Variants in DCAF8L2 observed in about 807,000 individuals in gnomAD.
DCAF8L2 encodes the protein DDB1 and CUL4 associated factor 8 like 2.
For missense variants in DCAF8L2, 430 were observed against 490.7 expected (o/e 0.88, Z 1.17); for synonymous variants, 200 against 190.9 (o/e 1.05, Z -0.39).
At position 27,650,445 on chromosome X, in the gene DCAF8L2, CA is replaced by C. The variant is rs1357260367; in HGVS notation, c.-220+18446del. Among the ~76,000 whole-genome samples the C allele has an allele frequency of 2.7e-5, 3 of 112,109 alleles. No homozygotes were observed. The East Asian group carries it at 8.4e-4, about 32-fold the overall frequency. On this transcript the variant is annotated intron_variant, in intron 2 of 4. Transcript: ENST00000451261. Reference sequence around the variant, plus strand: ...AATTCATGAGCATGGAATGTTTTTCCATTTGACTGTGTCATCTATGACTAAT... The same window carrying C: ...AATTCATGAGCATGGAATGTTTTTCCTTTGACTGTGTCATCTATGACTAAT...
At chrX:27,591,016 A>ATATATAT (rs1569153314) in intron 1 of DCAF8L2, among the ~76,000 whole-genome samples, 3 of 44,762 alleles carry the variant, frequency 6.7e-5, no homozygotes, top group African/African-American at 1.1e-4. Context: ...TATATATATA[A>ATATATAT]ATAAATAATT....
At chrX:27,517,770 T>A in the DCAF8L2 span, 1 of 1,145,162 alleles carries the variant, frequency 8.7e-7, no homozygotes, top group Non-Finnish European at 1.2e-6. Context: ...AGCTCTCACA[T>A]TGCTTCAAAC....
At position 27,748,718 on chromosome X, in the gene DCAF8L2, C is replaced by T. The variant is rs1193399951; in HGVS notation, c.1823C>T (p.Ser608Leu). The T allele has an allele frequency of 3.3e-6, 4 of 1,197,105 alleles. No individual in the cohort carries two copies. Among genetic ancestry groups the T allele is most frequent in the Admixed American group, 2.3e-5 (1 of 44,150 alleles). Reference protein sequence around the residue: ...SGEAEFPDEESDESSSTSETS... With the variant: ...SGEAEFPDEELDESSSTSETS... ...GAAGCTGAATTTCCAGATGAAGAAT[C>T]GGATGAGTCTTCCAGCACTTCAGAG... Residue 608 changes from serine (S) to leucine (L), a missense_variant, in exon 5 of 5, where the codon TCG (serine) becomes TTG (leucine). Physicochemically the swap from Ser to Leu is moderately radical, Grantham distance 145. Transcript: ENST00000451261.
At chrX:27,533,234 G>GAAA in the DCAF8L2 span, among the ~76,000 whole-genome samples, 1 of 33,719 alleles carries the variant, frequency 3.0e-5, no homozygotes, top group African/African-American at 6.6e-5. Flanking sequence ...AAGAAAGAAA[G>GAAA]AGAAAGAAAG....
the DCAF8L2 span, among the ~76,000 whole-genome samples, chrX:27,482,539 C>T: frequency 9.0e-6 from 1 of 111,205 alleles, no homozygotes; most frequent in South Asian, 3.7e-4. Flanking sequence ...TAAATGTGGA[C>T]ATCCATCTGA....
the DCAF8L2 span, among the ~76,000 whole-genome samples, chrX:27,574,899 G>A: frequency 9.0e-6 from 1 of 111,505 alleles, no homozygotes; most frequent in African/African-American, 3.3e-5. Flanking sequence ...GTGTTACAGG[G>A]TGCTCTTTTA....
chrX:27,518,231 A>G, the DCAF8L2 span: 4,657 of 870,818 alleles, frequency 5.3e-3, 92 homozygotes, highest in African/African-American at 0.07. Flanking sequence ...GGAGGTTATA[A>G]TAAAGAGATT....
chrX:27,729,523 G>C (rs1419480556), intron 4 of DCAF8L2, among the ~76,000 whole-genome samples: 1 of 111,649 alleles, frequency 9.0e-6, no homozygotes, highest in Non-Finnish European at 1.9e-5. Context: ...CATAAAATTG[G>C]TAGTTTATAA....
intron 1 of DCAF8L2, among the ~76,000 whole-genome samples, chrX:27,621,890 A>G (rs1927777763): frequency 9.1e-6 from 1 of 110,402 alleles, no homozygotes; most frequent in South Asian, 3.9e-4. Context: ...GCTACTCAGG[A>G]GGCTGAGGTG....
chrX:27,604,596 A>G (rs184073836), intron 1 of DCAF8L2, among the ~76,000 whole-genome samples: 11 of 112,057 alleles, frequency 9.8e-5, no homozygotes, highest in Non-Finnish European at 1.1e-4. Context: ...AGAATGTTAT[A>G]TATATGATAT....
the DCAF8L2 span, among the ~76,000 whole-genome samples, chrX:27,554,165 C>T: frequency 1.8e-5 from 2 of 111,615 alleles, no homozygotes; most frequent in East Asian, 5.6e-4. Flanking sequence ...TCCGGCGCCT[C>T]ACAGAAAATG....
the DCAF8L2 span, among the ~76,000 whole-genome samples, chrX:27,507,983 A>G: frequency 8.9e-6 from 1 of 111,845 alleles, no homozygotes; most frequent in African/African-American, 3.2e-5. Context: ...TTTGCAACAT[A>G]TAAGTTCATG....
chrX:27,545,817 TGA>T, the DCAF8L2 span, among the ~76,000 whole-genome samples: 1 of 111,318 alleles, frequency 9.0e-6, no homozygotes, highest in Non-Finnish European at 1.9e-5. Context: ...TGGGAGCAGG[TGA>T]GAGAGAGAGC....
chrX:27,575,048 A>C, the DCAF8L2 span, among the ~76,000 whole-genome samples: 1 of 111,099 alleles, frequency 9.0e-6, no homozygotes, highest in Admixed American at 9.5e-5. Context: ...GCAAAGTGTT[A>C]TTGAGTGGAA....
the DCAF8L2 span, among the ~76,000 whole-genome samples, chrX:27,504,647 T>C: frequency 1.8e-5 from 2 of 111,255 alleles, no homozygotes; most frequent in Admixed American, 9.6e-5. Flanking sequence ...CTTCTTACCA[T>C]TGAAAGAAAC....
chrX:27,499,505 A>G, the DCAF8L2 span, among the ~76,000 whole-genome samples: 1 of 111,897 alleles, frequency 8.9e-6, no homozygotes, highest in Admixed American at 9.5e-5. Flanking sequence ...CACTGCTATA[A>G]AGAACTACTT....
chrX:27,725,012 A>G (rs1297159464), intron 4 of DCAF8L2, among the ~76,000 whole-genome samples: 1 of 111,620 alleles, frequency 9.0e-6, no homozygotes, highest in African/African-American at 3.2e-5. Context: ...GAAAACAAAT[A>G]AAATATAATA....
chrX:27,541,873 C>T, the DCAF8L2 span, among the ~76,000 whole-genome samples: 4 of 110,944 alleles, frequency 3.6e-5, no homozygotes, highest in Admixed American at 3.9e-4. Context: ...TCCCCAATAT[C>T]TGTTTTTCTC....
the DCAF8L2 span, among the ~76,000 whole-genome samples, chrX:27,512,805 A>AAAAAAC: frequency 1.1e-5 from 1 of 94,135 alleles, no homozygotes; most frequent in Admixed American, 1.2e-4. Context: ...AAAAAAAAAA[A>AAAAAAC]AAAAACAAAG....
Sources: gnomAD v4.1 joint callset for allele counts (sites outside exome capture counted in the v4.1 genomes callset) on GRCh38, gnomAD v4.1.1 for gene constraint, MANE v1.5 for transcripts, NCBI Gene and HGNC (gene_info 2026-07-23, HGNC 2026-07-21) for gene names.